The following ATG13 variants were observed in gnomAD, a reference collection of about 807,000 sequenced individuals.
The protein encoded by ATG13 is autophagy related 13.
ATG13 carries 23 observed loss-of-function variants against 65.5 expected under a neutral mutation model. The ratio of observed to expected loss-of-function variants is 0.35; its 90% CI spans 0.25 to 0.50. ATG13 has a LOEUF of 0.50. ATG13 is among the 20% of genes least tolerant of loss of function. The pLI is 0.98. For synonymous variants in ATG13, 252 were observed against 245.2 expected (o/e 1.03, Z -0.26); for missense variants, 566 against 677.0 (o/e 0.84, Z 1.82).
At chr11:46,628,082 C>CAAAA (rs561371295) in intron 1 of ATG13, among the ~76,000 whole-genome samples, 2 of 52,386 alleles carry the variant, frequency 3.8e-5, no homozygotes, top group Non-Finnish European at 8.6e-5. Flanking sequence ...GACCTTGTCT[C>CAAAA]AAAAAAAAAA....
At chr11:46,660,256 G>A (rs1212877576) in intron 11 of ATG13, among the ~76,000 whole-genome samples, 1 of 151,936 alleles carries the variant, frequency 6.6e-6, no homozygotes, top group East Asian at 1.9e-4. Context: ...CACATTAGAT[G>A]GTTTCTTCTA....
In ATG13 at chr11:46,668,537, T is replaced by G. The variant is rs1345410190; in HGVS notation, c.1290T>G (p.Phe430Leu). 6.2e-7 allele frequency: 1 copy of G among 1,614,246 alleles called. No homozygotes were observed. Among genetic ancestry groups the G allele is most frequent in the Non-Finnish European group, 8.5e-7 (1 of 1,180,050 alleles). The change falls in exon 16 of 19, where the codon TTT becomes TTG. Residue 430 changes from phenylalanine (F) to leucine (L), a missense_variant. Coordinates refer to ENST00000683050, the MANE Select transcript of ATG13 (RefSeq NM_001346311.2). ...GTTTGGATATACCCTTTGCCATGTT[T>G]GCTCCCAAGAATTTGGAGCTGGAGG... ...LTSLDIPFAM[F>L]APKNLELEDT...
At chr11:46,649,213 G>T (rs1464498897) in intron 6 of ATG13, 30 bp downstream of exon 6, 42 of 1,604,344 alleles carry the variant, frequency 2.6e-5, no homozygotes, top group Non-Finnish European at 3.5e-5. Context: ...GTCCTTGGTT[G>T]TGGTTGCTGA....
chr11:46,672,143 C>A, intron 18 of ATG13, 112 bp from the exon 19 acceptor site: 1 of 1,547,202 alleles, frequency 6.5e-7, no homozygotes, highest in Non-Finnish European at 8.8e-7. Flanking sequence ...TTGCTCGGCC[C>A]AGCTAGGGCT....
chr11:46,652,649 G>A (rs557799786), intron 7 of ATG13, among the ~76,000 whole-genome samples: 1 of 152,076 alleles, frequency 6.6e-6, no homozygotes, highest in East Asian at 1.9e-4. Context: ...GAAGGTCAAG[G>A]CTTCAGTGAG....
intron 1 of ATG13, among the ~76,000 whole-genome samples, chr11:46,623,674 C>T (rs987041722): frequency 5.3e-5 from 8 of 151,920 alleles, no homozygotes; most frequent in Non-Finnish European, 7.4e-5. Context: ...ATGATCTGCC[C>T]GCCTTGGCCT....
rs1340301856 is a variant in ATG13, at chr11:46,672,667, T to A, written c.*335T>A. 1.5e-6 allele frequency: 2 copies of A among 1,376,132 alleles called. No homozygotes were observed. The highest frequency in any genetic ancestry group is 2.3e-5 in the South Asian group (2 of 88,044). The allele number at this position is 1,376,132 out of a possible 1,614,324, so 85.2% of individuals were successfully genotyped here. On this transcript the variant is annotated 3_prime_UTR_variant, in exon 19 of 19. Transcript: ENST00000683050. ...CATCCTGTTCCTCCTGCTGCCGGCC[T>A]CCTGCCTGGGCCTGCCTTGCAGCTG...
Position 46,673,933 on chromosome 11 carries a change from G to A in ATG13, c.*1601G>A, listed in dbSNP as rs56349329. ...ATACAAGGCTGACTTCTGAGGATTGGAGCAGGCTCTGGCGGGGACCAGAGC... is the reference window on the plus strand; with the variant it reads ...ATACAAGGCTGACTTCTGAGGATTGAAGCAGGCTCTGGCGGGGACCAGAGC... On this transcript the variant is annotated 3_prime_UTR_variant, in exon 19 of 19. Coordinates refer to ENST00000683050, the MANE Select transcript of ATG13 (RefSeq NM_001346311.2). 0.14 allele frequency: 21,812 copies of A among 152,142 alleles called. 1,588 individuals carry two copies. Among genetic ancestry groups the A allele is most frequent in the Non-Finnish European group, 0.16 (10,934 of 68,000 alleles). The allele number at this position is 152,142 out of a possible 1,614,324, so 9.4% of individuals were successfully genotyped here.
rs2064213314 is a variant in ATG13 at position 46,673,677 on chromosome 11, G to GTTAAAATAC, written c.*1346_*1347insTAAAATACT. 1.3e-5 allele frequency: 2 copies of GTTAAAATAC among 152,212 alleles called. No homozygotes were observed. Among genetic ancestry groups the GTTAAAATAC allele is most frequent in the Admixed American group, 1.3e-4 (2 of 15,280 alleles). The allele number at this position is 152,212 out of a possible 1,614,324, so 9.4% of individuals were successfully genotyped here. On this transcript the variant is annotated 3_prime_UTR_variant, in exon 19 of 19. Transcript: ENST00000683050. ...TCTGGTTGAGAAATCAAAGCTGGGC[G>GTTAAAATAC]TATGATTGACTTAACCCTTCAGGTA...
Position 46,664,025 on chromosome 11 carries a change from T to G in ATG13, c.818T>G (p.Phe273Cys). The change falls in exon 12 of 19, where the codon TTT becomes TGT. Residue 273 changes from phenylalanine (F) to cysteine (C), a missense_variant. By Grantham distance (205) the Phe-to-Cys change is radical. Transcript: ENST00000683050. ...QCVFTVTKAH[F>C]QTPTPVVTDT... ...GTGTTTACTGTCACAAAGGCACATT[T>G]TCAGACCCCTACTCCTGTGGTGACG... is the stretch of plus-strand genomic sequence containing the variant. The G allele has an allele frequency of 6.3e-7, 1 of 1,597,736 alleles. No individual in the cohort carries two copies. The highest frequency in any genetic ancestry group is 8.5e-7 in the Non-Finnish European group (1 of 1,179,588).
At chr11:46,656,950 T>C (rs151061388) in intron 8 of ATG13, 145 bp from the exon 9 acceptor site, 725 of 684,666 alleles carry the variant, frequency 1.1e-3, no homozygotes, top group African/African-American at 1.5e-3. Context: ...CACACACACA[T>C]ATGAAATTAA....
chr11:46,653,671 G>T lies in ATG13; in HGVS notation c.459-2562G>T, dbSNP rs567102831. 3.3e-5 allele frequency among the ~76,000 whole-genome samples: 5 copies of T among 151,094 alleles called. No individual in the cohort carries two copies. In the East Asian group the frequency reaches 7.9e-4, roughly 24 times the overall value. ...TGCAAGCTCCGCCTCCCAGGTTCAC[G>T]CCATTCTCCTGCCTCAGCCTCCCGA... On this transcript the variant is annotated intron_variant, in intron 7 of 18. Transcript: ENST00000683050.
At position 46,646,394 on chromosome 11, in the gene ATG13, C is replaced by A. The variant is rs966581153; in HGVS notation, c.270+405C>A. Among the ~76,000 whole-genome samples the A allele has an allele frequency of 1.4e-4, 22 of 152,124 alleles. 1 individual carries two copies. Among genetic ancestry groups the A allele is most frequent in the Non-Finnish European group, 1.5e-5 (1 of 68,036 alleles). On this transcript the variant is annotated intron_variant, in intron 5 of 18. Coordinates refer to ENST00000683050, the MANE Select transcript of ATG13 (RefSeq NM_001346311.2). ...CGAATTCCTGACCTTGTGATCCGCC[C>A]GCATTGGCCTCCCAAAGTGCTGGGA... is the stretch of plus-strand genomic sequence containing the variant.
At position 46,672,621 on chromosome 11, in the gene ATG13, C is replaced by T; in HGVS notation, c.*289C>T. On this transcript the variant is annotated 3_prime_UTR_variant, in exon 19 of 19. Transcript: ENST00000683050. ...GGCCATCTGTGTGCCCTGCCCATCACCAACTGCTTCCCAAGGGTGTCATCC... is the reference window on the plus strand; with the variant it reads ...GGCCATCTGTGTGCCCTGCCCATCATCAACTGCTTCCCAAGGGTGTCATCC... 7.1e-7 allele frequency: 1 copy of T among 1,411,276 alleles called. No homozygotes were observed. The highest frequency in any genetic ancestry group is 9.4e-7 in the Non-Finnish European group (1 of 1,063,670). 87.4% of individuals were successfully genotyped at this position (1,411,276 alleles called of 1,614,324 possible). A position where few individuals can be genotyped will look rare whatever the true frequency, so the allele number is the denominator to read the frequency against.
In ATG13 at chr11:46,667,757, C is replaced by T; in HGVS notation, c.1137-16C>T. On this transcript the variant is annotated splice_polypyrimidine_tract_variant and intron_variant, in intron 14 of 18. Coordinates refer to ENST00000683050, the MANE Select transcript of ATG13 (RefSeq NM_001346311.2). ...GTGGTTTGAGAACGAGTACTAACTT[C>T]ACCTTTCTCCTCCAGTGAGGATACT... 1 of 1,576,314 alleles carries T rather than the reference C, an allele frequency of 6.3e-7. No individual in the cohort carries two copies. The highest frequency in any genetic ancestry group is 8.7e-7 in the Non-Finnish European group (1 of 1,148,230).
intron 1 of ATG13, among the ~76,000 whole-genome samples, chr11:46,619,982 T>G (rs2046906116): frequency 7.0e-6 from 1 of 143,844 alleles, no homozygotes. Flanking sequence ...TGAGCCTAGA[T>G]CACGCCATTG....
chr11:46,635,342 G>T (rs1446524418), intron 2 of ATG13, among the ~76,000 whole-genome samples: 2 of 151,982 alleles, frequency 1.3e-5, no homozygotes, highest in African/African-American at 4.8e-5. Flanking sequence ...CATAATAATT[G>T]TTGTACATAT....
At chr11:46,635,490 T>G (rs1300393826) in intron 2 of ATG13, among the ~76,000 whole-genome samples, 1 of 152,138 alleles carries the variant, frequency 6.6e-6, no homozygotes, top group Non-Finnish European at 1.5e-5. Flanking sequence ...TTTAAAAAAT[T>G]GCATAGCAAG....
In ATG13 at chr11:46,672,459, A is replaced by T. The variant is rs1592339874; in HGVS notation, c.*127A>T. On this transcript the variant is annotated 3_prime_UTR_variant, in exon 19 of 19. Transcript: ENST00000683050. ...GGTGGAAGGGAGGCTGGCTTCTCCC[A>T]TGGGGACCCAGAAGTCCCTACTCTT... is the stretch of plus-strand genomic sequence containing the variant. 4.5e-6 allele frequency: 7 copies of T among 1,560,202 alleles called. No individual in the cohort carries two copies. The highest frequency in any genetic ancestry group is 4.1e-5 in the African/African-American group (3 of 73,838).
Sources: gnomAD v4.1 joint callset for allele counts (sites outside exome capture counted in the v4.1 genomes callset) on GRCh38, gnomAD v4.1.1 for gene constraint, MANE v1.5 for transcripts, NCBI Gene and HGNC (gene_info 2026-07-23, HGNC 2026-07-21) for gene names.